SCFD2: variants seen among roughly 807,000 people sequenced by gnomAD.
SCFD2 encodes the protein sec1 family domain-containing protein 2.
SCFD2 carries 54 observed loss-of-function variants against 58.9 expected under a neutral mutation model. The ratio of observed to expected loss-of-function variants is 0.92; its 90% confidence interval spans 0.74 to 1.15. The LOEUF (loss-of-function observed/expected upper bound fraction) is 1.15, where lower values mean the gene tolerates loss of function less well. Ranked by LOEUF, SCFD2 falls within the 50% of genes most tolerant of loss-of-function variation. SCFD2 has a pLI of 0.00. For missense variants in SCFD2, 805 were observed against 836.6 expected (o/e 0.96, Z 0.47); for synonymous variants, 321 against 335.9 (o/e 0.96, Z 0.49).
rs182960549 is a variant in SCFD2, at chr4:53,270,407, T to G, written c.1311+3419A>C. Among the ~76,000 whole-genome samples the G allele has an allele frequency of 7.2e-5, 11 of 152,296 alleles. No individual in the cohort carries two copies. In the East Asian group the frequency reaches 2.1e-3, roughly 29 times the overall value. On this transcript the variant is annotated intron_variant, in intron 4 of 8. Transcript: ENST00000401642. ...AACAAAACCTCAGCAAACATAATAC[T>G]TAATGGCAACATTTGGGAACATTTT...
At chr4:53,338,774 G>C (rs1733764969) in intron 2 of SCFD2, among the ~76,000 whole-genome samples, 1 of 151,424 alleles carries the variant, frequency 6.6e-6, no homozygotes, top group South Asian at 2.1e-4. Flanking sequence ...TAGAGACGGG[G>C]TTTCACCGTT....
At chr4:53,355,288 G>A (rs1734368983) in intron 1 of SCFD2, among the ~76,000 whole-genome samples, 1 of 152,142 alleles carries the variant, frequency 6.6e-6, no homozygotes, top group Non-Finnish European at 1.5e-5. Context: ...GAATTGTAGT[G>A]ATCTTGCAGG....
chr4:53,088,925 G>T (rs1035346156), intron 5 of SCFD2, among the ~76,000 whole-genome samples: 1 of 152,072 alleles, frequency 6.6e-6, no homozygotes, highest in Non-Finnish European at 1.5e-5. Flanking sequence ...TGGGCACTTT[G>T]GTAGGTGATA....
intron 1 of SCFD2, among the ~76,000 whole-genome samples, chr4:53,363,548 T>TA (rs1022404300): frequency 7.2e-5 from 11 of 151,768 alleles, no homozygotes; most frequent in African/African-American, 2.7e-4. Flanking sequence ...TCTGTATGTT[T>TA]AAAAAAAGGG....
intron 4 of SCFD2, among the ~76,000 whole-genome samples, chr4:53,235,706 A>G (rs2149013546): frequency 6.6e-6 from 1 of 152,312 alleles, no homozygotes; most frequent in Middle Eastern, 3.4e-3. Context: ...ATTTGTCAAG[A>G]TCAAAGTTAC....
chr4:52,935,861 G>C (rs1191509274), intron 5 of SCFD2, among the ~76,000 whole-genome samples: 14 of 152,058 alleles, frequency 9.2e-5, no homozygotes, highest in Non-Finnish European at 1.5e-5. Context: ...TTTTGAGACA[G>C]AGTTTCCCTC....
chr4:53,091,494 T>C (rs1338999763), intron 5 of SCFD2, among the ~76,000 whole-genome samples: 2 of 152,132 alleles, frequency 1.3e-5, no homozygotes, highest in South Asian at 4.1e-4. Context: ...CTCTGATGAT[T>C]TTCCAGTAAT....
In SCFD2 at chr4:52,970,602, C is replaced by A. The variant is rs149017145; in HGVS notation, c.1562-49732G>T. Among the ~76,000 whole-genome samples, 228 of 152,290 alleles carry A rather than the reference C, an allele frequency of 1.5e-3. 2 individuals carry two copies. The highest frequency in any genetic ancestry group is 5.2e-3 in the African/African-American group (218 of 41,558). On this transcript the variant is annotated intron_variant, in intron 5 of 8. Coordinates refer to ENST00000401642, the MANE Select transcript of SCFD2 (RefSeq NM_152540.4). ...CTCCACCCCTGGGGGCAGGGAGTAG[C>A]CAAACAAAAGGCAGCAGAGTCCTCT... is the stretch of plus-strand genomic sequence containing the variant.
chr4:53,061,595 T>G (rs548073884), intron 5 of SCFD2, among the ~76,000 whole-genome samples: 37 of 152,174 alleles, frequency 2.4e-4, no homozygotes, highest in African/African-American at 8.4e-4. Flanking sequence ...TAATGTAGAT[T>G]GAGGTCCATG....
At chr4:52,955,728 C>T (rs943058353) in intron 5 of SCFD2, among the ~76,000 whole-genome samples, 2 of 152,170 alleles carry the variant, frequency 1.3e-5, no homozygotes, top group Non-Finnish European at 2.9e-5. Flanking sequence ...CAGATTCTAC[C>T]TCAGCAATGT....
chr4:52,944,300 A>C (rs564054721), intron 5 of SCFD2, among the ~76,000 whole-genome samples: 2 of 152,194 alleles, frequency 1.3e-5, no homozygotes, highest in Non-Finnish European at 2.9e-5. Flanking sequence ...ATTGAGTTCT[A>C]TACCAAAATG....
At chr4:53,158,535 T>C (rs370849798) in intron 4 of SCFD2, among the ~76,000 whole-genome samples, 1 of 151,622 alleles carries the variant, frequency 6.6e-6, no homozygotes, top group South Asian at 2.1e-4. Flanking sequence ...CCCTTGCCCC[T>C]GCCACAGCAA....
chr4:53,076,349 C>T (rs1373398143), intron 5 of SCFD2, among the ~76,000 whole-genome samples: 1 of 152,140 alleles, frequency 6.6e-6, no homozygotes, highest in Non-Finnish European at 1.5e-5. Context: ...AAACCATACC[C>T]TTGAACAGGA....
At chr4:53,357,344 G>A (rs1289260683) in intron 1 of SCFD2, among the ~76,000 whole-genome samples, 2 of 151,840 alleles carry the variant, frequency 1.3e-5, no homozygotes, top group Non-Finnish European at 1.5e-5. Context: ...CACAAGAATC[G>A]CTTGAATCCA....
rs185097584 is a variant in SCFD2 at position 52,985,872 on chromosome 4, A to G, written c.1562-65002T>C. On this transcript the variant is annotated intron_variant, in intron 5 of 8. Coordinates refer to ENST00000401642, the MANE Select transcript of SCFD2 (RefSeq NM_152540.4). ...CCCTACATGTACTAGGAAATTTCCA[A>G]TCAGATAAGAAAAACACCAAAGAGA... Among the ~76,000 whole-genome samples the G allele has an allele frequency of 1.1e-3, 162 of 152,050 alleles. 1 individual carries two copies. Among genetic ancestry groups the G allele is most frequent in the African/African-American group, 3.6e-3 (151 of 41,530 alleles).
At chr4:52,951,478 C>A (rs914007284) in intron 5 of SCFD2, among the ~76,000 whole-genome samples, 1 of 152,178 alleles carries the variant, frequency 6.6e-6, no homozygotes, top group Non-Finnish European at 1.5e-5. Flanking sequence ...CAACCAGTAC[C>A]CTTAGAAAGA....
intron 4 of SCFD2, among the ~76,000 whole-genome samples, chr4:53,238,909 C>G (rs1729787623): frequency 6.7e-6 from 1 of 148,706 alleles, no homozygotes; most frequent in Admixed American, 6.7e-5. Flanking sequence ...TCCTCACATC[C>G]CAGATGATGG....
chr4:52,887,559 G>GA (rs1007827985), intron 7 of SCFD2, among the ~76,000 whole-genome samples: 9 of 152,152 alleles, frequency 5.9e-5, no homozygotes, highest in Non-Finnish European at 1.2e-4. Flanking sequence ...AAGTTCCAGA[G>GA]AAAATCAGTC....
At chr4:53,219,052 G>C (rs1728959612) in intron 4 of SCFD2, among the ~76,000 whole-genome samples, 1 of 152,196 alleles carries the variant, frequency 6.6e-6, no homozygotes, top group Admixed American at 6.5e-5. Flanking sequence ...GCCCCTACTA[G>C]AGGGTGCCTC....
Sources: gnomAD v4.1 joint callset for allele counts (sites outside exome capture counted in the v4.1 genomes callset) on GRCh38, gnomAD v4.1.1 for gene constraint, MANE v1.5 for transcripts, NCBI Gene and HGNC (gene_info 2026-07-23, HGNC 2026-07-21) for gene names.